The following CUX1 variants were observed in gnomAD, a reference collection of about 807,000 sequenced individuals.
CUX1 encodes protein CASP.
Under a neutral mutation model 158.8 loss-of-function variants are expected in CUX1, and 31 were observed. The observed-to-expected ratio is 0.20, with a 90% CI of 0.15 to 0.26. The LOEUF is 0.26. CUX1 is among the 10% of genes least tolerant of loss of function. The pLI, the probability that CUX1 is intolerant of heterozygous loss-of-function variation, is 1.00. For missense variants in CUX1, 1,589 were observed against 2,014.6 expected (o/e 0.79, Z 4.04); for synonymous variants, 879 against 862.1 (o/e 1.02, Z -0.34).
chr7:101,922,440 T>C (rs1805065052), intron 2 of CUX1, among the ~76,000 whole-genome samples: 1 of 152,208 alleles, frequency 6.6e-6, no homozygotes, highest in South Asian at 2.1e-4. Flanking sequence ...GCCTTGGTTC[T>C]TAACCTTTAA....
In CUX1 at chr7:102,071,179, G is replaced by A. The variant is rs964282077; in HGVS notation, c.268+762G>A. 5.9e-5 allele frequency among the ~76,000 whole-genome samples: 9 copies of A among 151,980 alleles called. 1 individual carries two copies. In the South Asian group the frequency reaches 1.0e-3, roughly 18 times the overall value. Reference sequence around the variant, plus strand: ...TCACTTTATTGCCCAGGCTGGTCTCGAACTCCTGGGCTCAAGCTATCCTCC... The same window carrying A: ...TCACTTTATTGCCCAGGCTGGTCTCAAACTCCTGGGCTCAAGCTATCCTCC... On this transcript the variant is annotated intron_variant, in intron 4 of 23. Transcript: ENST00000292535.
At chr7:102,019,075 C>T (rs60149252) in intron 2 of CUX1, among the ~76,000 whole-genome samples, 64,333 of 151,942 alleles carry the variant, frequency 0.42, 14,253 homozygotes, top group Non-Finnish European at 0.46. Context: ...TGCCAGATCA[C>T]GGCCTCTGTG....
intron 3 of CUX1, among the ~76,000 whole-genome samples, chr7:102,053,292 T>C (rs1823746404): frequency 6.6e-6 from 1 of 152,192 alleles, no homozygotes; most frequent in South Asian, 2.1e-4. Flanking sequence ...TCAGTTACTT[T>C]TATTAAATAT....
At chr7:102,158,104 C>G (rs1789984606) in intron 8 of CUX1, among the ~76,000 whole-genome samples, 2 of 151,998 alleles carry the variant, frequency 1.3e-5, no homozygotes, top group Non-Finnish European at 2.9e-5. Context: ...TAGCCTTTCC[C>G]CAGCTCCTCC....
intron 1 of CUX1, among the ~76,000 whole-genome samples, chr7:101,892,461 A>G (rs1214161257): frequency 1.3e-5 from 2 of 152,172 alleles, no homozygotes; most frequent in Non-Finnish European, 2.9e-5. Flanking sequence ...TCATTTAGAC[A>G]TCCAGGACAG....
chr7:101,897,667 C>T (rs981669807), intron 1 of CUX1, among the ~76,000 whole-genome samples: 12 of 152,172 alleles, frequency 7.9e-5, no homozygotes, highest in Non-Finnish European at 1.6e-4. Context: ...TTTTCACACC[C>T]AGCTTCAATG....
intron 1 of CUX1, among the ~76,000 whole-genome samples, chr7:101,828,508 G>A (rs1793637422): frequency 6.6e-6 from 1 of 152,178 alleles, no homozygotes; most frequent in Admixed American, 6.5e-5. Context: ...AACGAACGGG[G>A]AAAGTGCATG....
At chr7:102,020,331 G>A (rs569257344) in intron 2 of CUX1, among the ~76,000 whole-genome samples, 44 of 152,238 alleles carry the variant, frequency 2.9e-4, no homozygotes, top group African/African-American at 9.4e-4. Context: ...GGGAAGTGAC[G>A]GTTTCAGTAT....
Position 102,256,842 on chromosome 7 carries a change from T to C in CUX1, c.*7800T>C, listed in dbSNP as rs2529117. The stretch of plus-strand genomic sequence containing the variant: ...AGAGTGATTTCTTGCAAGGCCCGCA[T>C]GGGTTGATACGTTTTGGTTGGTTTT... On this transcript the variant is annotated 3_prime_UTR_variant, in exon 24 of 24. Coordinates refer to ENST00000292535, the MANE Select transcript of CUX1 (RefSeq NM_181552.4). The C allele has an allele frequency of 0.94, 928,240 of 985,422 alleles. 437,330 individuals are homozygous for C. The highest frequency in any genetic ancestry group is 0.98 in the East Asian group (8,638 of 8,820). The allele number at this position is 985,422 out of a possible 1,614,324, so 61.0% of individuals were successfully genotyped here.
chr7:102,160,277 C>T (rs1190131232), intron 9 of CUX1, among the ~76,000 whole-genome samples: 2 of 152,120 alleles, frequency 1.3e-5, no homozygotes, highest in Non-Finnish European at 2.9e-5. Context: ...TCCTCAAGGC[C>T]AGTCTTGGGC....
At chr7:101,880,266 T>C (rs1303121883) in intron 1 of CUX1, among the ~76,000 whole-genome samples, 2 of 152,196 alleles carry the variant, frequency 1.3e-5, no homozygotes, top group African/African-American at 2.4e-5. Context: ...GCTCGTTCAC[T>C]GTGGATTAAA....
Position 102,148,105 on chromosome 7 carries a change from G to C in CUX1, c.675-10455G>C, listed in dbSNP as rs573908492. ...AATCAATATATGAACAAGAGACTTT[G>C]AGACGGGAATAAATGCAACAGAAAC... On this transcript the variant is annotated intron_variant, in intron 8 of 23. Transcript: ENST00000292535. Among the ~76,000 whole-genome samples the C allele has an allele frequency of 1.4e-4, 21 of 152,340 alleles. No individual in the cohort carries two copies. The East Asian group carries it at 3.9e-3, about 28-fold the overall frequency.
At chr7:102,079,649 G>A (rs1827145526) in intron 4 of CUX1, among the ~76,000 whole-genome samples, 1 of 152,138 alleles carries the variant, frequency 6.6e-6, no homozygotes, top group Non-Finnish European at 1.5e-5. Flanking sequence ...CCCCTCCGGA[G>A]AGCTCCCTGT....
At chr7:102,010,061 G>A (rs1315310236) in intron 2 of CUX1, among the ~76,000 whole-genome samples, 11 of 151,994 alleles carry the variant, frequency 7.2e-5, no homozygotes, top group South Asian at 2.1e-4. Context: ...TGAGGTGGGC[G>A]GCCTCCCTTG....
chr7:102,066,318 C>T (rs543878667), intron 3 of CUX1, among the ~76,000 whole-genome samples: 1 of 152,126 alleles, frequency 6.6e-6, no homozygotes, highest in Non-Finnish European at 1.5e-5. Flanking sequence ...TGGACGAGGG[C>T]CCAGGCTAAT....
intron 1 of CUX1, among the ~76,000 whole-genome samples, chr7:101,879,041 G>T (rs773784983): frequency 5.9e-5 from 9 of 152,184 alleles, no homozygotes; most frequent in Non-Finnish European, 8.8e-5. Context: ...AAGCCCATTC[G>T]TACTGTGCTG....
intron 21 of CUX1, among the ~76,000 whole-genome samples, chr7:102,230,328 T>A (rs188864172): frequency 0.013 from 1,909 of 150,658 alleles, 9 homozygotes; most frequent in South Asian, 0.039. Flanking sequence ...AAAAATTTTT[T>A]AAAAATTATT....
intron 1 of CUX1, among the ~76,000 whole-genome samples, chr7:101,846,968 C>CA (rs1405682554): frequency 6.6e-6 from 1 of 151,798 alleles, no homozygotes; most frequent in Non-Finnish European, 1.5e-5. Flanking sequence ...CCTGTCTCTA[C>CA]AAAAAAATTT....
intron 23 of CUX1, among the ~76,000 whole-genome samples, chr7:102,241,206 G>A (rs1020987152): frequency 1.3e-5 from 2 of 152,180 alleles, no homozygotes. Flanking sequence ...AGAACAAAGT[G>A]CACTGGGATG....
Sources: allele counts gnomAD v4.1 joint callset (sites outside exome capture counted in the v4.1 genomes callset), GRCh38; gene constraint gnomAD v4.1.1; transcripts MANE v1.5; gene names NCBI Gene and HGNC (gene_info 2026-07-23, HGNC 2026-07-21).